Variants in RGS6 observed in about 807,000 individuals in gnomAD.
RGS6 encodes the protein regulator of G protein signaling 6, also known as regulator of G-protein signaling 6.
RGS6 carries 30 observed loss-of-function variants against 78.5 expected under a neutral mutation model. The observed-to-expected ratio is 0.38, with a 90% CI of 0.29 to 0.52. The LOEUF (loss-of-function observed/expected upper bound fraction) is 0.52, where lower values mean the gene tolerates loss of function less well. Ranked by LOEUF, RGS6 falls within the 20% of genes least tolerant of loss-of-function variation. The pLI is 0.85. For missense variants in RGS6, 495 were observed against 609.7 expected (o/e 0.81, Z 1.98); for synonymous variants, 206 against 206.0 (o/e 1.00, Z 0.00).
the RGS6 span, among the ~76,000 whole-genome samples, chr14:72,610,267 G>A: frequency 6.6e-6 from 1 of 152,220 alleles, no homozygotes; most frequent in Non-Finnish European, 1.5e-5. Context: ...GGGCATCCAA[G>A]GCCTGGTGGA....
At chr14:72,480,172 C>G (rs1178731459) in intron 12 of RGS6, among the ~76,000 whole-genome samples, 1 of 152,168 alleles carries the variant, frequency 6.6e-6, no homozygotes, top group African/African-American at 2.4e-5. Context: ...CTGATCTGGT[C>G]TTTCAGGATC....
chr14:72,051,754 C>T (rs1314970845), intron 2 of RGS6, among the ~76,000 whole-genome samples: 1 of 152,218 alleles, frequency 6.6e-6, no homozygotes, highest in African/African-American at 2.4e-5. Context: ...TCAGGAGTTA[C>T]AGCCATAACT....
At chr14:71,887,089 C>T in the RGS6 span, among the ~76,000 whole-genome samples, 1 of 152,170 alleles carries the variant, frequency 6.6e-6, no homozygotes, top group Non-Finnish European at 1.5e-5. Context: ...AACGGAGGGA[C>T]CAGCTGGAGC....
intron 2 of RGS6, among the ~76,000 whole-genome samples, chr14:72,332,492 G>A (rs949750703): frequency 1.3e-5 from 2 of 152,304 alleles, no homozygotes; most frequent in South Asian, 4.1e-4. Flanking sequence ...GAGAACAGGG[G>A]GAGAGTGACA....
intron 17 of RGS6, among the ~76,000 whole-genome samples, chr14:72,561,596 C>T (rs560709565): frequency 3.9e-5 from 6 of 152,350 alleles, no homozygotes; most frequent in South Asian, 4.1e-4. Flanking sequence ...GGGGCTTCTC[C>T]GCCATCTCTC....
At chr14:72,247,353 C>T (rs533941952) in intron 2 of RGS6, among the ~76,000 whole-genome samples, 9 of 152,282 alleles carry the variant, frequency 5.9e-5, no homozygotes, top group African/African-American at 2.2e-4. Context: ...GAAACCAGCT[C>T]AAATCCTTCA....
chr14:72,022,658 C>T (rs2088927485), intron 2 of RGS6: 2 of 152,224 alleles, frequency 1.3e-5, no homozygotes, highest in African/African-American at 4.8e-5. Context: ...CCAGACCAAG[C>T]TTCACATACC....
At chr14:72,134,932 G>A (rs535974880) in intron 2 of RGS6, among the ~76,000 whole-genome samples, 2 of 152,304 alleles carry the variant, frequency 1.3e-5, no homozygotes, top group South Asian at 2.1e-4. Context: ...CCACATTGGT[G>A]AGGGCAGATG....
chr14:72,078,453 G>A lies in RGS6; in HGVS notation c.84+113578G>A, dbSNP rs544512127. ...TTAAGAGATGGAGTCTTGCTCTGTC[G>A]TCCAGGCTAGAGTGCAGTGGCGCCA... On this transcript the variant is annotated intron_variant, in intron 2 of 17. Transcript: ENST00000553525. 8.4e-4 allele frequency among the ~76,000 whole-genome samples: 127 copies of A among 150,388 alleles called. 1 individual carries two copies. In the South Asian group the frequency reaches 0.014, roughly 16 times the overall value.
intron 2 of RGS6, among the ~76,000 whole-genome samples, chr14:72,222,214 C>A (rs1477599834): frequency 6.6e-6 from 1 of 152,220 alleles, no homozygotes; most frequent in Non-Finnish European, 1.5e-5. Context: ...TCCAAGAGAT[C>A]TGCTCTGCCT....
intron 2 of RGS6, among the ~76,000 whole-genome samples, chr14:72,018,615 A>G (rs1037028105): frequency 6.6e-6 from 1 of 152,236 alleles, no homozygotes; most frequent in Admixed American, 6.5e-5. Flanking sequence ...TTGGAGACAG[A>G]CAGAAACATA....
intron 2 of RGS6, among the ~76,000 whole-genome samples, chr14:72,302,887 A>G (rs905852219): frequency 7.2e-5 from 11 of 152,142 alleles, no homozygotes; most frequent in Non-Finnish European, 1.5e-4. Context: ...GATTTTTCCC[A>G]TGCTGTTCTC....
At chr14:72,408,265 T>C (rs956412216) in intron 3 of RGS6, among the ~76,000 whole-genome samples, 4 of 152,240 alleles carry the variant, frequency 2.6e-5, no homozygotes, top group African/African-American at 9.6e-5. Flanking sequence ...CTGGTGGTTC[T>C]CAGATGACTT....
chr14:71,947,647 G>A (rs1377781404), intron 1 of RGS6, among the ~76,000 whole-genome samples: 1 of 152,180 alleles, frequency 6.6e-6, no homozygotes, highest in Non-Finnish European at 1.5e-5. Context: ...ACCACTCTGA[G>A]CTAATTTTGT....
intron 2 of RGS6, among the ~76,000 whole-genome samples, chr14:71,969,534 G>T (rs754045215): frequency 8.5e-5 from 13 of 152,168 alleles, no homozygotes; most frequent in Non-Finnish European, 1.5e-4. Flanking sequence ...ACATCCAAAA[G>T]CTGGAGGCTC....
At chr14:72,215,757 G>A (rs2045407593) in intron 2 of RGS6, among the ~76,000 whole-genome samples, 1 of 152,218 alleles carries the variant, frequency 6.6e-6, no homozygotes. Flanking sequence ...TGCTTGCTTG[G>A]ACCAGTGTAA....
chr14:72,041,911 G>A (rs1596482106), intron 2 of RGS6, among the ~76,000 whole-genome samples: 2 of 152,052 alleles, frequency 1.3e-5, no homozygotes, highest in Admixed American at 1.3e-4. Context: ...TCATTGTATT[G>A]GGGGGTCAGT....
At chr14:72,395,949 T>A (rs1401757127) in intron 3 of RGS6, among the ~76,000 whole-genome samples, 1 of 152,150 alleles carries the variant, frequency 6.6e-6, no homozygotes, top group Non-Finnish European at 1.5e-5. Context: ...ACATTTGGCT[T>A]GGTTCCAAGT....
chr14:72,050,996 A>C lies in RGS6; in HGVS notation c.84+86121A>C, dbSNP rs979956286. 3.3e-5 allele frequency among the ~76,000 whole-genome samples: 5 copies of C among 152,136 alleles called. No individual in the cohort carries two copies. The East Asian group carries it at 7.7e-4, about 23-fold the overall frequency. On this transcript the variant is annotated intron_variant, in intron 2 of 17. Coordinates refer to ENST00000553525, the MANE Select transcript of RGS6 (RefSeq NM_001204424.2). Reference sequence around the variant, plus strand: ...TGCTTTTCATACTATGTTCTTGTTTAATTTCTGGGGTTTTTTGTTTGTATT... The same window carrying C: ...TGCTTTTCATACTATGTTCTTGTTTCATTTCTGGGGTTTTTTGTTTGTATT...
Sources: gnomAD v4.1 joint callset for allele counts (sites outside exome capture counted in the v4.1 genomes callset) on GRCh38, gnomAD v4.1.1 for gene constraint, MANE v1.5 for transcripts, NCBI Gene and HGNC (gene_info 2026-07-23, HGNC 2026-07-21) for gene names.